Variants in DOCK6 observed in about 807,000 individuals in gnomAD.
DOCK6 encodes dedicator of cytokinesis 6.
DOCK6 carries 167 observed loss-of-function variants against 230.3 expected under a neutral mutation model. The observed-to-expected ratio is 0.73, with a 90% CI of 0.64 to 0.82. The LOEUF is 0.82. DOCK6 is among the 40% of genes least tolerant of loss of function. DOCK6 has a pLI of 0.00. For missense variants in DOCK6, 2,598 were observed against 2,825.8 expected, an observed-to-expected ratio of 0.92 and a Z score of 1.83; for synonymous variants, 1,148 against 1,185.0, an observed-to-expected ratio of 0.97 and a Z score of 0.64.
intron 1 of DOCK6, among the ~76,000 whole-genome samples, chr19:11,259,298 G>T (rs2080245558): frequency 6.6e-6 from 1 of 151,974 alleles, no homozygotes; most frequent in Admixed American, 6.6e-5. Context: ...AAAGTGGTAG[G>T]ATTACAGGTG....
At position 11,212,103 on chromosome 19, in the gene DOCK6, C is replaced by A; in HGVS notation, c.4540G>T (p.Val1514Leu). 1 of 1,612,512 alleles carries A rather than the reference C, an allele frequency of 6.2e-7. No individual in the cohort carries two copies. Among genetic ancestry groups the A allele is most frequent in the Non-Finnish European group, 8.5e-7 (1 of 1,179,734 alleles). The stretch of plus-strand genomic sequence containing the variant: ...TCACTGAAGTTCTGCGTCGTCCCCA[C>A]CAGGGACGAGAGAGACATGGTGACC... ...MQVTMSLSSL[V>L]GTTQNFSEEH... The change falls in exon 36 of 48, where the codon GTG (valine) becomes TTG (leucine). Residue 1514 changes from valine (V) to leucine (L), a missense_variant. Transcript: ENST00000294618.
At chr19:11,204,738 C>T (rs1423943247) in intron 39 of DOCK6, among the ~76,000 whole-genome samples, 1 of 151,974 alleles carries the variant, frequency 6.6e-6, no homozygotes, top group Non-Finnish European at 1.5e-5. Context: ...GTCAGGGTCT[C>T]ACTATATTGC....
chr19:11,241,130 C>A (rs2079937034), intron 14 of DOCK6, among the ~76,000 whole-genome samples: 2 of 151,746 alleles, frequency 1.3e-5, no homozygotes, highest in African/African-American at 4.8e-5. Context: ...CCTGTAGTCC[C>A]AGCTACTCAG....
chr19:11,205,204 G>T (rs981310903), intron 39 of DOCK6, among the ~76,000 whole-genome samples: 2 of 151,864 alleles, frequency 1.3e-5, no homozygotes, highest in Non-Finnish European at 2.9e-5. Flanking sequence ...TGTGTGTATG[G>T]TTTTTTTTCG....
intron 9 of DOCK6, among the ~76,000 whole-genome samples, chr19:11,245,049 A>G (rs559985882): frequency 6.6e-6 from 1 of 152,264 alleles, no homozygotes; most frequent in East Asian, 1.9e-4. Context: ...CATCTGGAAA[A>G]TGGGAACCAT....
intron 23 of DOCK6, among the ~76,000 whole-genome samples, chr19:11,228,497 T>TC: frequency 6.8e-6 from 1 of 147,066 alleles, no homozygotes; most frequent in African/African-American, 2.5e-5. Context: ...CCCTAGGTTG[T>TC]GGGGGGGGGT....
At chr19:11,256,968 C>T (rs886923213) in intron 1 of DOCK6, among the ~76,000 whole-genome samples, 1 of 151,632 alleles carries the variant, frequency 6.6e-6, no homozygotes, top group South Asian at 2.1e-4. Flanking sequence ...CGTGAGCCAC[C>T]GAGCCCGGCC....
In DOCK6 at chr19:11,243,343, TG is replaced by T. The variant is rs2147852182; in HGVS notation, c.1300del (p.Gln434ArgfsTer21). 6.3e-7 allele frequency: 1 copy of T among 1,599,810 alleles called. No individual in the cohort carries two copies. Among genetic ancestry groups the T allele is most frequent in the Admixed American group, 1.7e-5 (1 of 57,516 alleles). ...AWTDRRRRGP[Q>X]DRASSGDDAC... ...GTCGTCCCCACTACTCGCCCGGTCC[TG>T]GGGCCCCCGACGGCGGCGGTCTGTC... is the stretch of plus-strand genomic sequence containing the variant. On this transcript the variant is annotated frameshift_variant, in exon 12 of 48. Transcript: ENST00000294618. LOFTEE classifies it high-confidence loss of function. This position sits in a 1 kb window ranked among gnomAD's most constrained non-coding sequence, Gnocchi z 6.3.
chr19:11,246,290 G>A (rs1033235322), intron 7 of DOCK6, among the ~76,000 whole-genome samples: 2 of 152,008 alleles, frequency 1.3e-5, no homozygotes, highest in Admixed American at 6.6e-5. Context: ...TTATTATATA[G>A]AGACGGGGTC....
At chr19:11,203,279 T>C (rs964667009) in intron 41 of DOCK6, 4 of 170,712 alleles carry the variant, frequency 2.3e-5, no homozygotes, top group African/African-American at 9.6e-5. Flanking sequence ...GATGTTCACT[T>C]ACCAAGGCCG....
chr19:11,253,524 T>C, intron 2 of DOCK6, 115 bp downstream of exon 2: 2 of 629,228 alleles, frequency 3.2e-6, no homozygotes, highest in East Asian at 6.9e-5. Context: ...CCTCTCGGTT[T>C]CCCCCCAGGA....
chr19:11,209,188 G>C, intron 37 of DOCK6, 85 bp from the exon 38 acceptor site: 1 of 1,485,980 alleles, frequency 6.7e-7, no homozygotes, highest in Non-Finnish European at 9.1e-7. Flanking sequence ...CTCTTCACTG[G>C]TTACCCCCAT....
rs566149244 is a variant in DOCK6 at position 11,234,662 on chromosome 19, C to T, written c.2554+936G>A. Among the ~76,000 whole-genome samples, 18 of 152,180 alleles carry T rather than the reference C, an allele frequency of 1.2e-4. No individual in the cohort carries two copies. The South Asian group carries it at 3.1e-3, about 26-fold the overall frequency. On this transcript the variant is annotated intron_variant, in intron 21 of 47. Transcript: ENST00000294618. Reference sequence around the variant, plus strand: ...AGGAAAAACAGGCTCAGAGAAGTGACGTCACTTGCCCAAGGTCACAGAGAC... The same window carrying T: ...AGGAAAAACAGGCTCAGAGAAGTGATGTCACTTGCCCAAGGTCACAGAGAC...
chr19:11,241,822 C>T, intron 14 of DOCK6: 7 of 1,430,866 alleles, frequency 4.9e-6, no homozygotes, highest in Non-Finnish European at 6.7e-6. Flanking sequence ...GAGCACAGAG[C>T]AGAGACAGAC....
chr19:11,208,770 G>A lies in DOCK6; in HGVS notation c.5004C>T (p.Asp1668=), dbSNP rs34743007. Residue 1668 remains aspartate, a synonymous_variant, in exon 39 of 48, where the codon GAC becomes GAT. Transcript: ENST00000294618. Reference sequence around the variant, plus strand: ...GCTTCCCGGAGCAGAAGCCCTCCTCGTCGGGCGACAGGATGTCGTCGGAGA... The same window carrying A: ...GCTTCCCGGAGCAGAAGCCCTCCTCATCGGGCGACAGGATGTCGTCGGAGA... ...SAISDDILSP[D]EEGFCSGKHF... is the part of the protein sequence containing the mutation. The A allele has an allele frequency of 5.9e-5, 96 of 1,613,642 alleles. No homozygotes were observed. The highest frequency in any genetic ancestry group is 5.7e-4 in the African/African-American group (43 of 74,924).
chr19:11,242,187 A>G lies in DOCK6; in HGVS notation c.1501T>C (p.Ser501Pro). 6.8e-7 allele frequency: 1 copy of G among 1,466,412 alleles called. No individual in the cohort carries two copies. Among genetic ancestry groups the G allele is most frequent in the South Asian group, 1.6e-5 (1 of 62,342 alleles). 90.8% of individuals were successfully genotyped at this position (1,466,412 alleles called of 1,614,324 possible). ...AAGTGGGGATTTTCAGGAGCCGGAG[A>G]AATGTCGATCTTGAGCTGGGCTGGG... ...PVTAQLKIDI[S>P]PAPENPHFCL... is the part of the protein sequence containing the mutation. The change falls in exon 14 of 48, where the codon TCT becomes CCT. Residue 501 changes from serine (S) to proline (P), a missense_variant. By Grantham distance (74) the Ser-to-Pro change is moderately conservative. Coordinates refer to ENST00000294618, the MANE Select transcript of DOCK6 (RefSeq NM_020812.4).
chr19:11,219,168 C>T (rs573908835), intron 28 of DOCK6, among the ~76,000 whole-genome samples: 2 of 133,390 alleles, frequency 1.5e-5, no homozygotes, highest in South Asian at 2.4e-4. Flanking sequence ...TGAGCCACTG[C>T]GCCCGGTTTT....
At position 11,243,461 on chromosome 19, in the gene DOCK6, A is replaced by T; in HGVS notation, c.1259-76T>A. On this transcript the variant is annotated intron_variant, in intron 11 of 47. Coordinates refer to ENST00000294618, the MANE Select transcript of DOCK6 (RefSeq NM_020812.4). The surrounding 1 kb of genome is among the most constrained non-coding windows in gnomAD (Gnocchi z 6.3). ...GACTCAGGGGCGGCACAGTTCGGCC[A>T]GCAGAGGGCGCACCCCCTCGCCCCG... 1 of 1,554,884 alleles carries T rather than the reference A, an allele frequency of 6.4e-7. No individual in the cohort carries two copies. The highest frequency in any genetic ancestry group is 8.7e-7 in the Non-Finnish European group (1 of 1,151,770).
At position 11,253,671 on chromosome 19, in the gene DOCK6, G is replaced by T. The variant is rs201065561; in HGVS notation, c.100C>A (p.His34Asn). 152 of 1,463,398 alleles carry T rather than the reference G, an allele frequency of 1.0e-4. No homozygotes were observed. The highest frequency in any genetic ancestry group is 6.2e-4 in the Admixed American group (20 of 32,034). 90.7% of individuals were successfully genotyped at this position (1,463,398 alleles called of 1,614,324 possible). The part of the protein sequence containing the change: ...QVSRERSGSP[H>N]SSRRCSSSLG... The stretch of plus-strand genomic sequence containing the variant: ...GAGCTGCTGCAGCGCCTGCTGGAGT[G>T]GGGGGAGCCACTGCGTTCCCGGGAC... Residue 34 changes from histidine (H) to asparagine (N), a missense_variant, in exon 2 of 48, where the codon CAC becomes AAC. Physicochemically the swap from His to Asn is moderately conservative, Grantham distance 68. Coordinates refer to ENST00000294618, the MANE Select transcript of DOCK6 (RefSeq NM_020812.4).
Sources: allele counts gnomAD v4.1 joint callset (sites outside exome capture counted in the v4.1 genomes callset), GRCh38; gene constraint gnomAD v4.1.1; non-coding constraint Gnocchi (gnomAD v3.1); transcripts MANE v1.5; gene names NCBI Gene and HGNC (gene_info 2026-07-23, HGNC 2026-07-21).